The following CCDC171 variants were observed in gnomAD, a reference collection of about 807,000 sequenced individuals.
CCDC171 encodes coiled-coil domain containing 171.
CCDC171 carries 177 observed loss-of-function variants against 168.2 expected under a neutral mutation model. The observed-to-expected ratio is 1.05, with a 90% CI of 0.93 to 1.19. CCDC171 has a LOEUF of 1.19. CCDC171 is among the 50% of genes most tolerant of loss of function. The pLI is 0.00. For missense variants in CCDC171, 1,991 were observed against 1,539.0 expected (o/e 1.29, Z -4.91); for synonymous variants, 687 against 540.8 (o/e 1.27, Z -3.75).
intron 7 of CCDC171, 71 bp downstream of exon 7, chr9:15,623,484 C>CACACACAA (rs1564072967): frequency 1.6e-6 from 1 of 613,090 alleles, no homozygotes; most frequent in Non-Finnish European, 2.7e-6. Context: ...CGCACACACA[C>CACACACAA]ACACACACAC....
chr9:15,649,610 A>G lies in CCDC171; in HGVS notation c.823-7517A>G, dbSNP rs545363068. Among the ~76,000 whole-genome samples, 8 of 152,344 alleles carry G rather than the reference A, an allele frequency of 5.3e-5. No individual in the cohort carries two copies. In the East Asian group the frequency reaches 1.5e-3, roughly 29 times the overall value. ...GAAGGATATGAACAGACACTTCTCA[A>G]AAGAAGACATTTATGCAGCCAACAG... On this transcript the variant is annotated intron_variant, in intron 7 of 25. Transcript: ENST00000380701.
At chr9:16,058,163 A>G (rs1833872841) in intron 1 of CCDC171, among the ~76,000 whole-genome samples, 1 of 151,974 alleles carries the variant, frequency 6.6e-6, no homozygotes, top group African/African-American at 2.4e-5. Context: ...TCCAAGACCG[A>G]TCTCTGGAAC....
Position 15,677,897 on chromosome 9 carries a change from T to TA in CCDC171, c.1077-860dup, listed in dbSNP as rs1564193593. 1.6e-3 allele frequency among the ~76,000 whole-genome samples: 30 copies of TA among 18,448 alleles called. 3 individuals are homozygous for TA. Among genetic ancestry groups the TA allele is most frequent in the Non-Finnish European group, 2.3e-3 (25 of 10,822 alleles). 12.1% of individuals were successfully genotyped at this position (18,448 alleles called of 152,430 possible). On this transcript the variant is annotated intron_variant, in intron 9 of 25. Transcript: ENST00000380701. The stretch of plus-strand genomic sequence containing the variant: ...TGTGTGTCATATATATATATATATA[T>TA]ATATATATATATATATATATATATA...
At chr9:15,827,225 C>T (rs1019699879) in intron 21 of CCDC171, among the ~76,000 whole-genome samples, 1 of 152,060 alleles carries the variant, frequency 6.6e-6, no homozygotes, top group Non-Finnish European at 1.5e-5. Flanking sequence ...TTCTCCCTTG[C>T]AGGTAAATGT....
At chr9:15,787,086 TTGGA>T (rs977898056) in intron 21 of CCDC171, among the ~76,000 whole-genome samples, 1 of 152,180 alleles carries the variant, frequency 6.6e-6, no homozygotes, top group African/African-American at 2.4e-5. Flanking sequence ...TTGAATTCTT[TTGGA>T]TGTATATTTT....
Position 15,818,172 on chromosome 9 carries a change from A to T in CCDC171, c.3268-28530A>T, listed in dbSNP as rs189349917. On this transcript the variant is annotated intron_variant, in intron 21 of 25. Coordinates refer to ENST00000380701, the MANE Select transcript of CCDC171 (RefSeq NM_173550.4). ...GGAAAACTAACAAACAGAAGGGGACATGCACACCAAAACCCCATCTGTACG... is the reference window on the plus strand; with the variant it reads ...GGAAAACTAACAAACAGAAGGGGACTTGCACACCAAAACCCCATCTGTACG... Among the ~76,000 whole-genome samples the T allele has an allele frequency of 6.8e-5, 8 of 117,408 alleles. No homozygotes were observed. The East Asian group carries it at 1.7e-3, about 25-fold the overall frequency. The allele number at this position is 117,408 out of a possible 152,430, so 77.0% of individuals were successfully genotyped here. A position where few individuals can be genotyped will look rare whatever the true frequency, so the allele number is the denominator to read the frequency against.
chr9:15,957,189 G>A (rs529862024), intron 25 of CCDC171, among the ~76,000 whole-genome samples: 1 of 152,094 alleles, frequency 6.6e-6, no homozygotes, highest in Non-Finnish European at 1.5e-5. Context: ...AGCAGTTCGA[G>A]GGCAGGCAGA....
chr9:16,046,740 G>A (rs1653671234), intron 1 of CCDC171, among the ~76,000 whole-genome samples: 1 of 152,120 alleles, frequency 6.6e-6, no homozygotes, highest in South Asian at 2.1e-4. Context: ...CTTGTGTGCC[G>A]CCATGTAAGA....
rs532364594 is a variant in CCDC171 at position 15,899,433 on chromosome 9, AT to A, written c.3601-20830del. 1.9e-3 allele frequency among the ~76,000 whole-genome samples: 285 copies of A among 152,126 alleles called. 1 individual carries two copies. Among genetic ancestry groups the A allele is most frequent in the African/African-American group, 6.5e-3 (269 of 41,506 alleles). On this transcript the variant is annotated intron_variant, in intron 24 of 25. Coordinates refer to ENST00000380701, the MANE Select transcript of CCDC171 (RefSeq NM_173550.4). Reference sequence around the variant, plus strand: ...TCAAACTGTTTCCAGAATGACTGCCATTTTTTTCATTCTCACTATGAATCTT... The same window carrying A: ...TCAAACTGTTTCCAGAATGACTGCCATTTTTTCATTCTCACTATGAATCTT...
chr9:15,571,567 G>T (rs1490376207), intron 2 of CCDC171, 57 bp from the exon 3 acceptor site: 3 of 1,330,218 alleles, frequency 2.3e-6, no homozygotes, highest in Non-Finnish European at 2.0e-6. Flanking sequence ...TATCAGAAAT[G>T]CTCTGAAATG....
chr9:15,817,636 G>A (rs538137394), intron 21 of CCDC171, among the ~76,000 whole-genome samples: 1 of 118,464 alleles, frequency 8.4e-6, no homozygotes, highest in Non-Finnish European at 1.9e-5. Flanking sequence ...AGGTGGCAGG[G>A]AGGCTGGGGG....
intron 6 of CCDC171, among the ~76,000 whole-genome samples, chr9:15,611,204 C>G (rs559882146): frequency 6.6e-6 from 1 of 152,148 alleles, no homozygotes; most frequent in Admixed American, 6.5e-5. Context: ...CTGAGGCCTC[C>G]CCAGAAGCCA....
chr9:15,694,475 C>T (rs749437474), intron 10 of CCDC171, among the ~76,000 whole-genome samples: 1 of 152,168 alleles, frequency 6.6e-6, no homozygotes, highest in African/African-American at 2.4e-5. Context: ...ATTGATACCT[C>T]CTGCCAAAAA....
At chr9:15,856,213 T>C (rs1230836227) in intron 23 of CCDC171, among the ~76,000 whole-genome samples, 1 of 151,992 alleles carries the variant, frequency 6.6e-6, no homozygotes, top group African/African-American at 2.4e-5. Context: ...AGCCTCTTAA[T>C]GGATTTTTCG....
intron 25 of CCDC171, among the ~76,000 whole-genome samples, chr9:15,938,907 A>G (rs1827398291): frequency 6.6e-6 from 1 of 151,868 alleles, no homozygotes; most frequent in South Asian, 2.1e-4. Flanking sequence ...TGCCATATGG[A>G]TAGTATACAC....
chr9:15,652,641 A>G (rs917330783), intron 7 of CCDC171, among the ~76,000 whole-genome samples: 46 of 152,174 alleles, frequency 3.0e-4, no homozygotes, highest in East Asian at 1.9e-4. Context: ...GGGTTTTACT[A>G]TGTTGCCCAG....
intron 18 of CCDC171, among the ~76,000 whole-genome samples, chr9:15,768,717 G>A (rs2056861114): frequency 2.6e-5 from 4 of 152,046 alleles, no homozygotes; most frequent in Admixed American, 2.0e-4. Context: ...GTATAATGGG[G>A]TCATTCTATA....
At chr9:15,666,132 T>G in intron 8 of CCDC171, 31 bp from the exon 9 acceptor site, 1 of 1,603,076 alleles carries the variant, frequency 6.2e-7, no homozygotes, top group Non-Finnish European at 8.5e-7. Context: ...ATTTCTTAGC[T>G]TGATTTAATT....
intron 24 of CCDC171, among the ~76,000 whole-genome samples, chr9:15,877,635 C>T (rs368575471): frequency 3.7e-4 from 56 of 152,112 alleles, no homozygotes; most frequent in African/African-American, 1.3e-3. Flanking sequence ...GTTTTATCTT[C>T]CAAATAACAG....
Sources: gnomAD v4.1 joint callset for allele counts (sites outside exome capture counted in the v4.1 genomes callset) on GRCh38, gnomAD v4.1.1 for gene constraint, MANE v1.5 for transcripts, NCBI Gene and HGNC (gene_info 2026-07-23, HGNC 2026-07-21) for gene names.